The following GPR176 variants were observed in gnomAD, a reference collection of about 807,000 sequenced individuals.
The protein encoded by GPR176 is G protein-coupled receptor 176.
GPR176 carries 26 observed loss-of-function variants against 35.4 expected under a neutral mutation model. That is an observed-to-expected ratio of 0.74 (90% CI 0.54 to 1.02). The LOEUF (loss-of-function observed/expected upper bound fraction) is 1.02. Ranked by LOEUF, GPR176 falls within the 50% of genes least tolerant of loss-of-function variation. GPR176 has a pLI of 0.00. For missense variants in GPR176, 597 were observed against 665.3 expected (o/e 0.90, Z 1.13); for synonymous variants, 278 against 271.3 (o/e 1.02, Z -0.24).
chr15:39,807,574 C>T, intron 1 of GPR176: 5 of 1,506,532 alleles, frequency 3.3e-6, no homozygotes, highest in Non-Finnish European at 4.5e-6. Flanking sequence ...TTACTTAATC[C>T]CAGGCAGTCT....
intron 1 of GPR176, among the ~76,000 whole-genome samples, chr15:39,833,744 ATATT>A (rs1206436550): frequency 6.6e-6 from 1 of 152,172 alleles, no homozygotes; most frequent in African/African-American, 2.4e-5. Flanking sequence ...GAAAGTCCTA[ATATT>A]TATTTAATTA....
intron 1 of GPR176, among the ~76,000 whole-genome samples, chr15:39,828,099 G>A (rs574449247): frequency 3.6e-4 from 55 of 152,328 alleles, no homozygotes; most frequent in African/African-American, 1.3e-3. Flanking sequence ...TGGTGAAAAT[G>A]TCATCTTTAG....
chr15:39,804,114 A>G (rs1899051646), intron 2 of GPR176, among the ~76,000 whole-genome samples: 1 of 152,210 alleles, frequency 6.6e-6, no homozygotes, highest in Admixed American at 6.5e-5. Flanking sequence ...GCTCACTGAC[A>G]TGTAACAAAC....
At position 39,852,081 on chromosome 15, in the gene GPR176, C is replaced by T. The variant is rs939746677; in HGVS notation, c.173-44823G>A. On this transcript the variant is annotated intron_variant, in intron 1 of 2. Coordinates refer to ENST00000561100, the MANE Select transcript of GPR176 (RefSeq NM_007223.3). ...AGGTCCTACATATCCCTTTCTTTCA[C>T]GGTCTTATTCTTCTGGTCTAGTGTT... is the stretch of plus-strand genomic sequence containing the variant. Among the ~76,000 whole-genome samples, 3 of 152,058 alleles carry T rather than the reference C, an allele frequency of 2.0e-5. 1 individual carries two copies. Among genetic ancestry groups the T allele is most frequent in the South Asian group, 4.1e-4 (2 of 4,824 alleles).
chr15:39,847,360 CT>C (rs2030504797), intron 1 of GPR176, among the ~76,000 whole-genome samples: 2 of 152,212 alleles, frequency 1.3e-5, no homozygotes, highest in South Asian at 4.2e-4. Flanking sequence ...TGTGATCCAA[CT>C]ACACGCTATC....
chr15:39,855,333 T>C (rs2031144601), intron 1 of GPR176, among the ~76,000 whole-genome samples: 1 of 152,218 alleles, frequency 6.6e-6, no homozygotes, highest in African/African-American at 2.4e-5. Flanking sequence ...AATTTCGTCT[T>C]GTGTGTCCCA....
intron 1 of GPR176, among the ~76,000 whole-genome samples, chr15:39,832,125 A>G (rs1901127100): frequency 6.6e-6 from 1 of 152,184 alleles, no homozygotes; most frequent in Admixed American, 6.6e-5. Flanking sequence ...GAAGCTCAGC[A>G]TCATTAGCCA....
intron 1 of GPR176, among the ~76,000 whole-genome samples, chr15:39,900,143 T>C (rs991924338): frequency 1.3e-5 from 2 of 151,746 alleles, no homozygotes; most frequent in South Asian, 2.1e-4. Context: ...TAGATAAATT[T>C]AAATGATAAA....
intron 1 of GPR176, among the ~76,000 whole-genome samples, chr15:39,812,745 A>T (rs936503772): frequency 3.4e-5 from 5 of 145,078 alleles, no homozygotes; most frequent in East Asian, 2.0e-4. Flanking sequence ...TCTAAGCTTT[A>T]TTTTTTTTTT....
intron 1 of GPR176, chr15:39,807,688 A>C: frequency 1.5e-6 from 1 of 672,426 alleles, no homozygotes; most frequent in East Asian, 2.8e-5. Context: ...CCATGTTTTA[A>C]AAAAGTAAAG....
chr15:39,889,199 C>T (rs1404933205), intron 1 of GPR176, among the ~76,000 whole-genome samples: 1 of 152,194 alleles, frequency 6.6e-6, no homozygotes, highest in Non-Finnish European at 1.5e-5. Context: ...TCCATAATCC[C>T]TGCTTTACAA....
At chr15:39,868,932 G>T (rs1365781722) in intron 1 of GPR176, among the ~76,000 whole-genome samples, 1 of 151,878 alleles carries the variant, frequency 6.6e-6, no homozygotes, top group Admixed American at 6.6e-5. Context: ...CACCGGAAAT[G>T]GGAAATGGGC....
intron 1 of GPR176, among the ~76,000 whole-genome samples, chr15:39,862,741 C>T (rs2031655717): frequency 6.6e-6 from 1 of 152,140 alleles, no homozygotes; most frequent in African/African-American, 2.4e-5. Flanking sequence ...ATAACAGGTA[C>T]AATTATGCAC....
chr15:39,909,075 C>A lies in GPR176; in HGVS notation c.172+10780G>T, dbSNP rs144137400. On this transcript the variant is annotated intron_variant, in intron 1 of 2. Coordinates refer to ENST00000561100, the MANE Select transcript of GPR176 (RefSeq NM_007223.3). ...TTCAACCACCTGCTACCTTCTGCTA[C>A]AAAGGCTGGAAAGTTTAAAACACCA... 8.5e-4 allele frequency among the ~76,000 whole-genome samples: 130 copies of A among 152,340 alleles called. No individual in the cohort carries two copies. In the East Asian group the frequency reaches 0.016, roughly 19 times the overall value.
intron 1 of GPR176, among the ~76,000 whole-genome samples, chr15:39,832,163 T>C (rs1361585131): frequency 2.6e-5 from 4 of 152,014 alleles, no homozygotes; most frequent in Admixed American, 1.3e-4. Context: ...AAAACCACAA[T>C]GATAAACCAC....
intron 1 of GPR176, among the ~76,000 whole-genome samples, chr15:39,872,739 C>T (rs1274334489): frequency 1.3e-5 from 2 of 152,098 alleles, no homozygotes; most frequent in Non-Finnish European, 2.9e-5. Context: ...AGGTGCCACA[C>T]GTACCTTTAA....
chr15:39,863,115 A>G (rs911351597), intron 1 of GPR176, among the ~76,000 whole-genome samples: 3 of 148,818 alleles, frequency 2.0e-5, no homozygotes, highest in African/African-American at 7.4e-5. Context: ...CCAGAAGTGC[A>G]GTGGTGCGAT....
intron 1 of GPR176, among the ~76,000 whole-genome samples, chr15:39,895,158 G>C (rs2033065328): frequency 6.6e-6 from 1 of 151,998 alleles, no homozygotes; most frequent in Admixed American, 6.6e-5. Context: ...GCAGTGAGCC[G>C]AGATGGCAGC....
chr15:39,847,167 C>T lies in GPR176; in HGVS notation c.173-39909G>A, dbSNP rs374152540. Among the ~76,000 whole-genome samples, 636 of 152,018 alleles carry T rather than the reference C, an allele frequency of 4.2e-3. 5 individuals carry two copies. The highest frequency in any genetic ancestry group is 0.015 in the African/African-American group (611 of 41,516). ...TTCATTAAAAAACAACAATGGAATTCTTAGGAAAATGTTCAAGTAACCCAC... is the reference window on the plus strand; with the variant it reads ...TTCATTAAAAAACAACAATGGAATTTTTAGGAAAATGTTCAAGTAACCCAC... On this transcript the variant is annotated intron_variant, in intron 1 of 2. Coordinates refer to ENST00000561100, the MANE Select transcript of GPR176 (RefSeq NM_007223.3).
Sources: gnomAD v4.1 joint callset for allele counts (sites outside exome capture counted in the v4.1 genomes callset) on GRCh38, gnomAD v4.1.1 for gene constraint, MANE v1.5 for transcripts, NCBI Gene and HGNC (gene_info 2026-07-23, HGNC 2026-07-21) for gene names.